Variants in SLC4A5 observed in about 807,000 individuals in gnomAD.
SLC4A5 encodes solute carrier family 4 member 5.
A neutral mutation model predicts 120.4 loss-of-function variants in SLC4A5; 96 were observed. The ratio of observed to expected loss-of-function variants is 0.80; its 90% CI spans 0.68 to 0.94. The LOEUF is 0.94. Among genes scored for constraint, SLC4A5 ranks in the 40% least tolerant of loss-of-function variants. SLC4A5 has a pLI of 0.00. For missense variants in SLC4A5, 1,259 were observed against 1,459.5 expected (o/e 0.86, Z 2.24); for synonymous variants, 550 against 571.1 (o/e 0.96, Z 0.53).
At chr2:74,239,647 C>A in intron 20 of SLC4A5, 112 bp from the exon 21 acceptor site, 1 of 962,622 alleles carries the variant, frequency 1.0e-6, no homozygotes, top group East Asian at 2.5e-5. Context: ...CTCTGAGGGA[C>A]CCCAGCCCCC....
At chr2:74,328,636 A>T (rs926938657) in intron 4 of SLC4A5, among the ~76,000 whole-genome samples, 2 of 152,112 alleles carry the variant, frequency 1.3e-5, no homozygotes. Context: ...GGGCAGTGGC[A>T]TTTCCAGGAA....
chr2:74,253,247 A>G (rs779514871), intron 14 of SLC4A5, 119 bp from the exon 15 acceptor site: 72 of 1,234,114 alleles, frequency 5.8e-5, no homozygotes, highest in Non-Finnish European at 6.8e-5. Flanking sequence ...CTGCCAACTC[A>G]CTCTCAGTTT....
intron 4 of SLC4A5, among the ~76,000 whole-genome samples, chr2:74,328,623 G>C (rs1275568463): frequency 6.6e-6 from 1 of 152,158 alleles, no homozygotes; most frequent in East Asian, 1.9e-4. Flanking sequence ...GAGGCCCAGA[G>C]AGGGGCAGTG....
chr2:74,227,975 A>G, intron 25 of SLC4A5, 97 bp from the exon 26 acceptor site: 2 of 818,808 alleles, frequency 2.4e-6, no homozygotes, highest in East Asian at 5.6e-5. Flanking sequence ...AGAGGCAGCT[A>G]GGAAACTGGA....
chr2:74,233,136 G>A (rs1052799198), intron 23 of SLC4A5, among the ~76,000 whole-genome samples: 1 of 152,150 alleles, frequency 6.6e-6, no homozygotes, highest in Non-Finnish European at 1.5e-5. Flanking sequence ...ATAAGAACTC[G>A]AGGTCACTTT....
chr2:74,301,809 G>A (rs1311130446), intron 7 of SLC4A5, among the ~76,000 whole-genome samples: 1 of 152,200 alleles, frequency 6.6e-6, no homozygotes. Flanking sequence ...ATGCCCATGG[G>A]CTGCAGAAAA....
At chr2:74,335,760 T>C (rs1673471142) in intron 3 of SLC4A5, among the ~76,000 whole-genome samples, 1 of 152,112 alleles carries the variant, frequency 6.6e-6, no homozygotes, top group African/African-American at 2.4e-5. Context: ...CATCTAGAAA[T>C]AAACTCGCCT....
intron 5 of SLC4A5, among the ~76,000 whole-genome samples, chr2:74,316,930 C>T (rs1157249002): frequency 6.6e-6 from 1 of 152,234 alleles, no homozygotes; most frequent in Non-Finnish European, 1.5e-5. Flanking sequence ...CAAAGACCTT[C>T]TAACGTATAA....
intron 6 of SLC4A5, among the ~76,000 whole-genome samples, chr2:74,310,371 T>C (rs1169866057): frequency 6.6e-6 from 1 of 152,228 alleles, no homozygotes; most frequent in Non-Finnish European, 1.5e-5. Flanking sequence ...CTCTTTGCTT[T>C]GTTCCTGATC....
At chr2:74,235,671 C>T (rs1406322923) in intron 21 of SLC4A5, among the ~76,000 whole-genome samples, 2 of 152,184 alleles carry the variant, frequency 1.3e-5, no homozygotes, top group African/African-American at 2.4e-5. Context: ...TGTACCCCAC[C>T]TGGGCTAGGA....
At chr2:74,253,426 A>T (rs1242528180) in intron 14 of SLC4A5, among the ~76,000 whole-genome samples, 1 of 152,198 alleles carries the variant, frequency 6.6e-6, no homozygotes, top group East Asian at 1.9e-4. Context: ...CACATCATAC[A>T]TATTAGAAAA....
chr2:74,239,663 T>C, intron 20 of SLC4A5, 128 bp from the exon 21 acceptor site: 2 of 842,186 alleles, frequency 2.4e-6, no homozygotes, highest in Non-Finnish European at 3.8e-6. Context: ...CCCCCCAGAG[T>C]GATGTTCCTG....
At chr2:74,254,255 C>T (rs1402981841) in intron 14 of SLC4A5, among the ~76,000 whole-genome samples, 1 of 152,158 alleles carries the variant, frequency 6.6e-6, no homozygotes, top group Non-Finnish European at 1.5e-5. Flanking sequence ...CACCTCCATC[C>T]AGCTTCTCTG....
chr2:74,252,171 G>A lies in SLC4A5; in HGVS notation c.1478+8C>T, dbSNP rs767339958. ...CAGCAGGGTCACTGGGAGGCCTGGG[G>A]TGGGCACCTTCCTGTCCAGATAAGT... is the stretch of plus-strand genomic sequence containing the variant. On this transcript the variant is annotated splice_region_variant and intron_variant, in intron 16 of 30. Transcript: ENST00000394019. 4.6e-5 allele frequency: 74 copies of A among 1,611,528 alleles called. No individual in the cohort carries two copies. Among genetic ancestry groups the A allele is most frequent in the Non-Finnish European group, 6.2e-5 (73 of 1,179,242 alleles).
rs141103724 is a variant in SLC4A5 at position 74,231,904 on chromosome 2, C to T, written c.2774+565G>A. Among the ~76,000 whole-genome samples, 419 of 152,206 alleles carry T rather than the reference C, an allele frequency of 2.8e-3. 4 individuals carry two copies. Among genetic ancestry groups the T allele is most frequent in the African/African-American group, 9.6e-3 (397 of 41,520 alleles). On this transcript the variant is annotated intron_variant, in intron 24 of 30. Transcript: ENST00000394019. Reference sequence around the variant, plus strand: ...GTGGGAGAAGTTCTTAGGGCAGCCACGTAGGAGAAAGCCAGGGTTTGGTGT... The same window carrying T: ...GTGGGAGAAGTTCTTAGGGCAGCCATGTAGGAGAAAGCCAGGGTTTGGTGT...
intron 17 of SLC4A5, among the ~76,000 whole-genome samples, chr2:74,249,450 T>A (rs576523133): frequency 3.3e-5 from 5 of 152,146 alleles, no homozygotes; most frequent in African/African-American, 9.6e-5. Context: ...CAAAAGATGA[T>A]CAGGATTGAT....
chr2:74,225,306 T>C (rs1299057496), intron 27 of SLC4A5, among the ~76,000 whole-genome samples: 1 of 152,026 alleles, frequency 6.6e-6, no homozygotes, highest in Non-Finnish European at 1.5e-5. Context: ...TTTAAATTAG[T>C]GGTTCTCAGC....
chr2:74,311,847 A>G (rs1325095636), intron 6 of SLC4A5, among the ~76,000 whole-genome samples: 2 of 151,858 alleles, frequency 1.3e-5, no homozygotes, highest in Middle Eastern at 3.2e-3. Flanking sequence ...CCTTTCAACT[A>G]TATCGTTACT....
At chr2:74,341,420 TTTAA>T (rs1312244862) in intron 2 of SLC4A5, among the ~76,000 whole-genome samples, 1 of 152,198 alleles carries the variant, frequency 6.6e-6, no homozygotes, top group Non-Finnish European at 1.5e-5. Flanking sequence ...GCACATTAGC[TTTAA>T]TTGTTAATTA....
Sources: gnomAD v4.1 joint callset for allele counts (sites outside exome capture counted in the v4.1 genomes callset) on GRCh38, gnomAD v4.1.1 for gene constraint, MANE v1.5 for transcripts, NCBI Gene and HGNC (gene_info 2026-07-23, HGNC 2026-07-21) for gene names.